The following NBL1 variants were observed in gnomAD, a reference collection of about 807,000 sequenced individuals.
The protein encoded by NBL1 is NBL1, DAN family BMP antagonist.
Under a neutral mutation model 16.0 loss-of-function variants are expected in NBL1, and 9 were observed. The observed-to-expected ratio is 0.56, with a 90% CI of 0.34 to 0.98. The LOEUF (loss-of-function observed/expected upper bound fraction) is 0.98. Among genes scored for constraint, NBL1 ranks in the 50% least tolerant of loss-of-function variants. The pLI is 0.02. For synonymous variants in NBL1, 86 were observed against 100.7 expected (o/e 0.85, Z 0.87); for missense variants, 196 against 243.1 (o/e 0.81, Z 1.29).
chr1:19,656,006 C>A (rs2095054389), intron 3 of NBL1, among the ~76,000 whole-genome samples: 1 of 152,184 alleles, frequency 6.6e-6, no homozygotes. Context: ...GGCCCCCTGA[C>A]TGGGGCACAC....
rs2094978699 is a variant in NBL1, at chr1:19,646,129, G to C, written c.-20+1683G>C. On this transcript the variant is annotated intron_variant, in intron 1 of 3. Coordinates refer to ENST00000375136, the MANE Select transcript of NBL1 (RefSeq NM_005380.8). ...CTGGGTGGCACGGGGTCGGCCCTGT[G>C]TGTCCGCCCTCTGGACAGTTGACTC... 3.6e-6 allele frequency: 5 copies of C among 1,396,760 alleles called. 1 individual carries two copies. The highest frequency in any genetic ancestry group is 1.3e-5 in the South Asian group (1 of 77,630). The allele number at this position is 1,396,760 out of a possible 1,614,324, so 86.5% of individuals were successfully genotyped here. A position where few individuals can be genotyped will look rare whatever the true frequency, so the allele number is the denominator to read the frequency against.
At chr1:19,656,789 A>T in intron 3 of NBL1, 77 bp from the exon 4 acceptor site, 1 of 1,488,502 alleles carries the variant, frequency 6.7e-7, no homozygotes. Flanking sequence ...TCCCATGAGG[A>T]AGTATTACCC....
intron 1 of NBL1, among the ~76,000 whole-genome samples, chr1:19,645,020 C>T (rs1193682918): frequency 6.6e-6 from 1 of 152,178 alleles, no homozygotes; most frequent in East Asian, 1.9e-4. Context: ...CTTTTCTCTC[C>T]CTCTCTCTGT....
chr1:19,647,038 G>A (rs1332942953), intron 1 of NBL1, among the ~76,000 whole-genome samples: 6 of 152,196 alleles, frequency 3.9e-5, no homozygotes, highest in African/African-American at 1.4e-4. Context: ...CATGGACTGA[G>A]GAATTAACTA....
chr1:19,647,874 TGTGTGTGTGCGTGTGCGCGC>T (rs1387191150), intron 1 of NBL1, among the ~76,000 whole-genome samples: 10 of 147,290 alleles, frequency 6.8e-5, no homozygotes, highest in Admixed American at 3.3e-4. Flanking sequence ...TGCGTGTGTG[TGTGTGTGTGCGTGTGCGCGC>T]GTGTGTGTGC....
intron 1 of NBL1, chr1:19,647,526 A>G: frequency 1.3e-6 from 1 of 799,788 alleles, no homozygotes; most frequent in Non-Finnish European, 1.5e-6. Flanking sequence ...GGAGAGCCAG[A>G]CCCTGCCCTT....
intron 1 of NBL1, among the ~76,000 whole-genome samples, chr1:19,649,133 G>A (rs1007675017): frequency 6.6e-6 from 1 of 152,052 alleles, no homozygotes; most frequent in African/African-American, 2.4e-5. Context: ...GGGTAGCTGG[G>A]GGTTAACCTG....
upstream of NBL1, chr1:19,643,523 G>GT (rs1331044754): frequency 6.7e-7 from 1 of 1,482,904 alleles, no homozygotes; most frequent in African/African-American, 1.4e-5. This position sits in a 1 kb window ranked among gnomAD's most constrained non-coding sequence, Gnocchi z 4.7. Flanking sequence ...AATAGAGAAG[G>GT]TACGGCCGCA....
chr1:19,648,557 A>G (rs2094999705), intron 1 of NBL1, among the ~76,000 whole-genome samples: 1 of 152,228 alleles, frequency 6.6e-6, no homozygotes, highest in African/African-American at 2.4e-5. Context: ...GAAAGCAACC[A>G]GGGCAGGGCT....
intron 1 of NBL1, among the ~76,000 whole-genome samples, chr1:19,653,152 T>G (rs1332275258): frequency 6.7e-6 from 1 of 148,872 alleles, no homozygotes; most frequent in African/African-American, 2.5e-5. Context: ...TGGGGCATGG[T>G]GGTGGGCGCC....
chr1:19,654,368 A>C (rs1343832712), intron 1 of NBL1, among the ~76,000 whole-genome samples: 1 of 152,188 alleles, frequency 6.6e-6, no homozygotes, highest in Admixed American at 6.5e-5. Context: ...ATGCCACTGC[A>C]CTCCAGCGTG....
intron 3 of NBL1, among the ~76,000 whole-genome samples, chr1:19,656,546 G>T (rs112872860): frequency 4.9e-4 from 75 of 152,092 alleles, no homozygotes; most frequent in African/African-American, 1.8e-3. Context: ...AAGGTCCTGG[G>T]TGGCCTTAGT....
chr1:19,647,731 T>C, intron 1 of NBL1: 1 of 943,182 alleles, frequency 1.1e-6, no homozygotes, highest in South Asian at 4.9e-5. Context: ...GAGGAGGTTC[T>C]GGAAGCAGGA....
intron 3 of NBL1, among the ~76,000 whole-genome samples, chr1:19,656,251 G>A (rs1033208920): frequency 1.3e-5 from 2 of 152,028 alleles, no homozygotes; most frequent in Non-Finnish European, 2.9e-5. Context: ...ACTTAGATGG[G>A]TGATGATAGG....
chr1:19,643,713 C>A, upstream of NBL1: 1 of 1,151,890 alleles, frequency 8.7e-7, no homozygotes, highest in South Asian at 2.0e-5. This position sits in a 1 kb window ranked among gnomAD's most constrained non-coding sequence, Gnocchi z 4.7. Context: ...CCGAGAGCGA[C>A]ACTAGGATAA....
rs1356459823 is a variant in NBL1 at position 19,655,374 on chromosome 1, A to C, written c.221A>C (p.Gln74Pro). The C allele has an allele frequency of 6.2e-7, 1 of 1,613,982 alleles. No homozygotes were observed. The highest frequency in any genetic ancestry group is 1.3e-5 in the African/African-American group (1 of 74,916). Residue 74 changes from glutamine (Q) to proline (P), a missense_variant, in exon 3 of 4, where the codon CAG becomes CCG. Gln to Pro is a moderately conservative substitution (Grantham distance 76, BLOSUM62 -1). Coordinates refer to ENST00000375136, the MANE Select transcript of NBL1 (RefSeq NM_005380.8). ...FSYSVPNTFP[Q>P]STESLVHCDS... ...TACAGCGTCCCCAACACCTTCCCACAGTCCACAGAGTCCCTGGTTCACTGT... is the reference window on the plus strand; with the variant it reads ...TACAGCGTCCCCAACACCTTCCCACCGTCCACAGAGTCCCTGGTTCACTGT...
intron 1 of NBL1, chr1:19,645,741 C>G (rs957355019): frequency 8.4e-5 from 114 of 1,358,878 alleles, no homozygotes; most frequent in Non-Finnish European, 1.0e-4. Flanking sequence ...CCCACCCCTG[C>G]AAGCTGGACC....
upstream of NBL1, chr1:19,644,228 C>G: frequency 1.0e-6 from 1 of 977,240 alleles, no homozygotes; most frequent in South Asian, 4.7e-5. This position sits in a 1 kb window ranked among gnomAD's most constrained non-coding sequence, Gnocchi z 4.6. Flanking sequence ...GCCCTCCCCG[C>G]TGCCCCCGCC....
chr1:19,654,963 G>A lies in NBL1; in HGVS notation c.-19-49G>A. On this transcript the variant is annotated intron_variant, in intron 1 of 3. Transcript: ENST00000375136. The stretch of plus-strand genomic sequence containing the variant: ...GTCCATGCTGTAACACCACTACCCG[G>A]CCCCCTGCACCTTGCTGTGCCTCAC... The A allele has an allele frequency of 4.7e-6, 7 of 1,501,782 alleles. No individual in the cohort carries two copies. The South Asian group carries it at 6.6e-5, about 14-fold the overall frequency. 93.0% of individuals were successfully genotyped at this position (1,501,782 alleles called of 1,614,324 possible). A position where few individuals can be genotyped will look rare whatever the true frequency, so the allele number is the denominator to read the frequency against.
Sources: allele counts gnomAD v4.1 joint callset (sites outside exome capture counted in the v4.1 genomes callset), GRCh38; gene constraint gnomAD v4.1.1; non-coding constraint Gnocchi (gnomAD v3.1); transcripts MANE v1.5; gene names NCBI Gene and HGNC (gene_info 2026-07-23, HGNC 2026-07-21).